Variants in SNRPN observed in about 807,000 individuals in gnomAD.
SNRPN encodes the protein small nuclear ribonucleoprotein-associated protein N.
In SNRPN, 7 loss-of-function variants were observed where a neutral mutation model predicts 25.2. The observed-to-expected ratio is 0.28, with a 90% confidence interval of 0.16 to 0.52. The LOEUF is 0.52. Ranked by LOEUF, SNRPN falls within the 20% of genes least tolerant of loss-of-function variation. The pLI is 0.96. For missense variants in SNRPN, 196 were observed against 322.5 expected, an observed-to-expected ratio of 0.61 and a Z score of 3.00; for synonymous variants, 124 against 110.6, an observed-to-expected ratio of 1.12 and a Z score of -0.76.
At chr15:24,889,372 C>T (rs184625999) in intron 2 of SNRPN, among the ~76,000 whole-genome samples, 8 of 151,622 alleles carry the variant, frequency 5.3e-5, no homozygotes, top group Non-Finnish European at 7.4e-5. Flanking sequence ...GCACGATCTC[C>T]GCTCACTGCA....
intron 1 of SNRPN, among the ~76,000 whole-genome samples, chr15:24,867,289 C>CTT: frequency 6.6e-6 from 1 of 152,156 alleles, no homozygotes; most frequent in Admixed American, 6.5e-5. Context: ...TATCTTTACT[C>CTT]TTTTTAATAA....
At chr15:24,976,103 TAA>T (rs2077032350) in intron 5 of SNRPN, among the ~76,000 whole-genome samples, 200 bp from the exon 6 acceptor site, 1 of 152,240 alleles carries the variant, frequency 6.6e-6, no homozygotes, top group African/African-American at 2.4e-5. Flanking sequence ...TGTAAAAGAC[TAA>T]AGTTAGATTA....
chr15:24,956,684 G>A (rs1028898402), intron 1 of SNRPN, among the ~76,000 whole-genome samples: 8 of 152,212 alleles, frequency 5.3e-5, no homozygotes, highest in Admixed American at 6.5e-5. Context: ...GTTCCTTTCC[G>A]GTTGTGGCGC....
rs1186111426 is a variant in SNRPN, at chr15:24,830,314, A to G, written c.-579+409A>G. Among the ~76,000 whole-genome samples the G allele has an allele frequency of 2.0e-5, 3 of 151,994 alleles. No individual in the cohort carries two copies. In the East Asian group the frequency reaches 5.8e-4, roughly 29 times the overall value. On this transcript the variant is annotated intron_variant, in intron 2 of 12. Transcript: ENST00000400100. ...ATTCAGTGGGGGTCACCTCTCCATG[A>G]TCTTAAGCAACAGTCCTGTTGGGAC...
chr15:24,923,315 C>T (rs564334089), intron 3 of SNRPN, among the ~76,000 whole-genome samples: 1 of 152,230 alleles, frequency 6.6e-6, no homozygotes, highest in Non-Finnish European at 1.5e-5. Context: ...TATATAGGTA[C>T]ACATCTCTCA....
intron 1 of SNRPN, among the ~76,000 whole-genome samples, chr15:24,881,584 GGAGAGAGAGAGAGAGAGA>G (rs1157961647): frequency 2.2e-3 from 125 of 57,618 alleles, no homozygotes; most frequent in Non-Finnish European, 3.0e-3. Flanking sequence ...AGGGAGGGAG[GGAGAGAGAGAGAGAGAGA>G]GAGAGAGAGA....
At chr15:24,836,595 T>C (rs1326559710) in intron 2 of SNRPN, among the ~76,000 whole-genome samples, 1 of 151,776 alleles carries the variant, frequency 6.6e-6, no homozygotes, top group African/African-American at 2.4e-5. Context: ...TATTTTTTAG[T>C]AAAGATGGGG....
intron 1 of SNRPN, among the ~76,000 whole-genome samples, chr15:24,824,657 T>C (rs576182265): frequency 6.6e-6 from 1 of 152,236 alleles, no homozygotes; most frequent in East Asian, 1.9e-4. Context: ...TTTTATATGT[T>C]CATTTTTATT....
chr15:24,878,237 G>A (rs991288394), intron 1 of SNRPN, among the ~76,000 whole-genome samples: 3 of 152,352 alleles, frequency 2.0e-5, no homozygotes, highest in East Asian at 3.9e-4. Context: ...TCCGTGGCGG[G>A]TCTAGGGCTC....
intron 2 of SNRPN, among the ~76,000 whole-genome samples, chr15:24,964,391 C>G (rs1161607139): frequency 6.6e-6 from 1 of 152,134 alleles, no homozygotes; most frequent in Non-Finnish European, 1.5e-5. Context: ...CTACCAAGTT[C>G]AAGTGATTCT....
At chr15:24,836,487 C>G (rs993886006) in intron 2 of SNRPN, among the ~76,000 whole-genome samples, 3 of 151,910 alleles carry the variant, frequency 2.0e-5, no homozygotes, top group Non-Finnish European at 4.4e-5. Flanking sequence ...TCTCTGCTAA[C>G]CACAAACTCT....
At chr15:24,824,020 C>A (rs924684873) in intron 1 of SNRPN, among the ~76,000 whole-genome samples, 2 of 152,064 alleles carry the variant, frequency 1.3e-5, no homozygotes, top group African/African-American at 4.8e-5. Context: ...TTATTTTCAT[C>A]TGTTCAATCA....
chr15:24,849,622 A>G (rs561734788), intron 2 of SNRPN: 1 of 152,356 alleles, frequency 6.6e-6, no homozygotes, highest in Admixed American at 6.5e-5. Context: ...GTGAACAACT[A>G]TGTCCACCTC....
exon 3 of SNRPN, chr15:24,920,124 T>G (rs1488963383): frequency 6.6e-6 from 1 of 152,164 alleles, no homozygotes; most frequent in Non-Finnish European, 1.5e-5. Context: ...CTTTCTCTTA[T>G]GTAAGTAGAA....
At chr15:24,959,333 T>G (rs1334781362) in intron 1 of SNRPN, among the ~76,000 whole-genome samples, 1 of 152,152 alleles carries the variant, frequency 6.6e-6, no homozygotes, top group East Asian at 1.9e-4. Flanking sequence ...AGATTAAAAA[T>G]AAGTAGATTT....
At chr15:24,894,542 C>A (rs1256486725) in intron 2 of SNRPN, among the ~76,000 whole-genome samples, 1 of 152,118 alleles carries the variant, frequency 6.6e-6, no homozygotes, top group Non-Finnish European at 1.5e-5. Context: ...ATTCTTGACA[C>A]AAAATGACAG....
chr15:24,937,997 TTTTA>T (rs1384838668), intron 3 of SNRPN, among the ~76,000 whole-genome samples: 4 of 152,228 alleles, frequency 2.6e-5, no homozygotes, highest in Admixed American at 6.5e-5. Context: ...ATGCATTACA[TTTTA>T]TTTATTAATC....
At chr15:24,877,697 A>ACACACACACACACACACACACAC (rs1566858064) in intron 1 of SNRPN, among the ~76,000 whole-genome samples, 2 of 113,936 alleles carry the variant, frequency 1.8e-5, no homozygotes, top group African/African-American at 6.5e-5. Flanking sequence ...CACACACACA[A>ACACACACACACACACACACACAC]ACACACTAGC....
upstream of SNRPN, among the ~76,000 whole-genome samples, chr15:24,953,817 C>T (rs1277607197): frequency 2.0e-5 from 3 of 152,112 alleles, no homozygotes; most frequent in Non-Finnish European, 4.4e-5. Flanking sequence ...TTTATATATA[C>T]GTTTATTTAG....
Sources: allele counts gnomAD v4.1 joint callset (sites outside exome capture counted in the v4.1 genomes callset), GRCh38; gene constraint gnomAD v4.1.1; transcripts MANE v1.5; gene names NCBI Gene and HGNC (gene_info 2026-07-23, HGNC 2026-07-21).